Variants in RASGRF2 observed in about 807,000 individuals in gnomAD.
RASGRF2 encodes the protein ras-specific guanine nucleotide-releasing factor 2.
In RASGRF2, 76 loss-of-function variants were observed where a neutral mutation model predicts 151.0. The observed-to-expected ratio is 0.50, with a 90% CI of 0.42 to 0.61. The LOEUF is 0.61. Ranked by LOEUF, RASGRF2 falls within the 20% of genes least tolerant of loss-of-function variation. The pLI is 0.00. For synonymous variants in RASGRF2, 504 were observed against 566.5 expected, an observed-to-expected ratio of 0.89 and a Z score of 1.57; for missense variants, 1,148 against 1,564.6, an observed-to-expected ratio of 0.73 and a Z score of 4.49.
intron 17 of RASGRF2, among the ~76,000 whole-genome samples, chr5:81,139,058 T>G (rs1753821960): frequency 6.6e-6 from 1 of 152,226 alleles, no homozygotes; most frequent in Non-Finnish European, 1.5e-5. Flanking sequence ...TACTGAGATC[T>G]TCTCTCACTT....
chr5:81,187,154 A>G (rs1755043371), intron 18 of RASGRF2, among the ~76,000 whole-genome samples: 1 of 152,144 alleles, frequency 6.6e-6, no homozygotes, highest in Non-Finnish European at 1.5e-5. Context: ...CCTAAGTCTC[A>G]AAGGGGTTTA....
chr5:80,993,889 T>C (rs1222778882), intron 1 of RASGRF2, among the ~76,000 whole-genome samples: 1 of 152,128 alleles, frequency 6.6e-6, no homozygotes, highest in African/African-American at 2.4e-5. Context: ...AGGGTTTCCA[T>C]GTACCTTGGC....
intron 2 of RASGRF2, among the ~76,000 whole-genome samples, chr5:81,052,197 A>C (rs1033076884): frequency 4.6e-5 from 7 of 152,218 alleles, no homozygotes; most frequent in Admixed American, 2.0e-4. Context: ...TTGTGATACA[A>C]AACATTTTCT....
rs1207688595 is a variant in RASGRF2 at position 81,229,795 on chromosome 5, TCA to T, written c.*4026_*4027del. The T allele has an allele frequency of 6.6e-6, 1 of 152,250 alleles. No homozygotes were observed. The highest frequency in any genetic ancestry group is 2.4e-5 in the African/African-American group (1 of 41,444). 9.4% of individuals were successfully genotyped at this position (152,250 alleles called of 1,614,324 possible). ...GCTGGTGTTTACACATCCCTGAGCCTCAGTTTCCTCATCTGCAAAACGGTGTG... is the reference window on the plus strand; with the variant it reads ...GCTGGTGTTTACACATCCCTGAGCCTGTTTCCTCATCTGCAAAACGGTGTG... On this transcript the variant is annotated 3_prime_UTR_variant, in exon 27 of 27. Transcript: ENST00000265080.
intron 1 of RASGRF2, among the ~76,000 whole-genome samples, chr5:80,980,088 T>G (rs1033892346): frequency 4.6e-5 from 7 of 152,212 alleles, no homozygotes; most frequent in African/African-American, 1.7e-4. Context: ...TTTGGTAATT[T>G]TAGCCCATCG....
chr5:81,102,409 A>G (rs1752721104), intron 12 of RASGRF2, among the ~76,000 whole-genome samples: 1 of 152,198 alleles, frequency 6.6e-6, no homozygotes, highest in South Asian at 2.1e-4. Flanking sequence ...TTAAAAATGA[A>G]TGTGGCCAGA....
intron 1 of RASGRF2, among the ~76,000 whole-genome samples, chr5:81,025,935 T>C (rs1447476146): frequency 6.6e-6 from 1 of 151,814 alleles, no homozygotes; most frequent in Non-Finnish European, 1.5e-5. Context: ...TTAAACAAAC[T>C]CCCTCCCTCC....
intron 18 of RASGRF2, among the ~76,000 whole-genome samples, chr5:81,197,442 G>C (rs560600920): frequency 9.4e-6 from 1 of 106,872 alleles, no homozygotes; most frequent in African/African-American, 3.7e-5. Flanking sequence ...CGGCCTGGGC[G>C]ACAGAGCGAG....
intron 17 of RASGRF2, among the ~76,000 whole-genome samples, chr5:81,162,505 G>A (rs571503279): frequency 4.5e-4 from 68 of 152,112 alleles, no homozygotes; most frequent in African/African-American, 1.6e-3. Context: ...ATGCCACCAC[G>A]CCCGGTTAAT....
Position 81,201,461 on chromosome 5 carries a change from G to A in RASGRF2, c.2906+19G>A, listed in dbSNP as rs778522329. The A allele has an allele frequency of 1.2e-6, 2 of 1,604,210 alleles. No individual in the cohort carries two copies. The highest frequency in any genetic ancestry group is 2.2e-5 in the South Asian group (2 of 90,266). ...TCCTCAGGTGAAGGCAGCTGAAGAT[G>A]CCGACTGGATGACATTGGTTGATTC... On this transcript the variant is annotated intron_variant, in intron 19 of 26. Transcript: ENST00000265080.
At chr5:81,113,489 T>C in intron 14 of RASGRF2, 49 bp from the exon 15 acceptor site, 1 of 1,506,762 alleles carries the variant, frequency 6.6e-7, no homozygotes, top group Admixed American at 1.8e-5. Context: ...ATCTGGGAAT[T>C]CATTTCACTT....
Position 81,211,673 on chromosome 5 carries a change from G to A in RASGRF2, c.3157-693G>A, listed in dbSNP as rs141803815. On this transcript the variant is annotated intron_variant, in intron 22 of 26. Coordinates refer to ENST00000265080, the MANE Select transcript of RASGRF2 (RefSeq NM_006909.3). ...TTGGTGTATGGATATAAGATTACAC[G>A]CCCTATATTCCCTTTGTTAATACGG... Among the ~76,000 whole-genome samples, 558 of 152,256 alleles carry A rather than the reference G, an allele frequency of 3.7e-3. 1 individual carries two copies. The highest frequency in any genetic ancestry group is 5.8e-3 in the Non-Finnish European group (393 of 68,036).
chr5:81,192,175 G>C (rs1247074387), intron 18 of RASGRF2, among the ~76,000 whole-genome samples: 1 of 152,098 alleles, frequency 6.6e-6, no homozygotes, highest in East Asian at 1.9e-4. Context: ...CCAGATTTGG[G>C]GTTTAATTGT....
At chr5:81,030,040 A>G (rs1293046636) in intron 1 of RASGRF2, among the ~76,000 whole-genome samples, 1 of 152,218 alleles carries the variant, frequency 6.6e-6, no homozygotes, top group Non-Finnish European at 1.5e-5. Flanking sequence ...ATCAAGTGGA[A>G]GAAAGGGTAT....
intron 1 of RASGRF2, among the ~76,000 whole-genome samples, chr5:80,982,438 C>T (rs1748331907): frequency 1.1e-5 from 1 of 89,804 alleles, no homozygotes; most frequent in Non-Finnish European, 2.5e-5. Flanking sequence ...CATGTTTAAC[C>T]TGTAGGAAGA....
At position 81,080,877 on chromosome 5, in the gene RASGRF2, G is replaced by A; in HGVS notation, c.1161+88G>A. 3.2e-6 allele frequency: 4 copies of A among 1,248,798 alleles called. No homozygotes were observed. In the East Asian group the frequency reaches 7.1e-5, roughly 22 times the overall value. The allele number at this position is 1,248,798 out of a possible 1,614,324, so 77.4% of individuals were successfully genotyped here. A position where few individuals can be genotyped will look rare whatever the true frequency, so the allele number is the denominator to read the frequency against. On this transcript the variant is annotated intron_variant, in intron 7 of 26. Transcript: ENST00000265080. The stretch of plus-strand genomic sequence containing the variant: ...CGTGACCAGCGTGAGATGCTTAAGT[G>A]TGCCCTGGGAGGAATTATGGCACAG...
chr5:81,019,439 C>T (rs1749756997), intron 1 of RASGRF2: 1 of 152,192 alleles, frequency 6.6e-6, no homozygotes, highest in South Asian at 2.1e-4. Context: ...CATCTAGCAT[C>T]TGACTTGTGA....
At chr5:81,139,495 G>C (rs1257647417) in intron 17 of RASGRF2, among the ~76,000 whole-genome samples, 3 of 148,880 alleles carry the variant, frequency 2.0e-5, no homozygotes, top group Admixed American at 6.7e-5. Context: ...CAGATAGCTA[G>C]GATTACAGGC....
At chr5:81,137,150 C>A (rs7724695) in intron 17 of RASGRF2, among the ~76,000 whole-genome samples, 9,559 of 152,112 alleles carry the variant, frequency 0.063, 1,042 homozygotes, top group African/African-American at 0.22. Context: ...AGTATGCATA[C>A]AACCATTCTG....
Sources: allele counts gnomAD v4.1 joint callset (sites outside exome capture counted in the v4.1 genomes callset), GRCh38; gene constraint gnomAD v4.1.1; transcripts MANE v1.5; gene names NCBI Gene and HGNC (gene_info 2026-07-23, HGNC 2026-07-21).